The following ITIH4 variants were observed in gnomAD, a reference collection of about 807,000 sequenced individuals.
ITIH4 encodes inter-alpha-trypsin inhibitor heavy chain H4.
ITIH4 carries 79 observed loss-of-function variants against 111.8 expected under a neutral mutation model. That is an observed-to-expected ratio of 0.71 (90% CI 0.59 to 0.85). The LOEUF is 0.85. Ranked by LOEUF, ITIH4 falls within the 40% of genes least tolerant of loss-of-function variation. The pLI is 0.00. For synonymous variants in ITIH4, 472 were observed against 468.3 expected (o/e 1.01, Z -0.10); for missense variants, 1,065 against 1,195.8 (o/e 0.89, Z 1.61).
In ITIH4 at chr3:52,827,136, A is replaced by C. The variant is rs2154111669; in HGVS notation, c.313T>G (p.Tyr105Asp). 1 of 1,614,132 alleles carries C rather than the reference A, an allele frequency of 6.2e-7. No individual in the cohort carries two copies. Among genetic ancestry groups the C allele is most frequent in the East Asian group, 2.2e-5 (1 of 44,872 alleles). The change falls in exon 3 of 24, where the codon TAC (tyrosine) becomes GAC (aspartate). Residue 105 changes from tyrosine to aspartate, a missense_variant. Transcript: ENST00000266041. The part of the protein sequence containing the change: ...IKEKAEAQAQ[Y>D]SAAVAKGKSA... ...TTTCCCTTGGCCACTGCTGCGCTGT[A>C]CTGTGCCTGGGCTTCAGCCTTCTCC...
At position 52,824,088 on chromosome 3, in the gene ITIH4, C is replaced by G; in HGVS notation, c.1172-84G>C. ...CTGGAACCTCAGAGCCGAGGGGCCT[C>G]AGTGACCCCCTCTCCCTGCCCAGAT... is the stretch of plus-strand genomic sequence containing the variant. On this transcript the variant is annotated intron_variant, in intron 9 of 23. Coordinates refer to ENST00000266041, the MANE Select transcript of ITIH4 (RefSeq NM_002218.5). The surrounding 1 kb of genome is among the most constrained non-coding windows in gnomAD (Gnocchi z 4.3). The G allele has an allele frequency of 6.4e-7, 1 of 1,562,344 alleles. No individual in the cohort carries two copies. Among genetic ancestry groups the G allele is most frequent in the South Asian group, 1.2e-5 (1 of 84,386 alleles).
rs1700554747 is a variant in ITIH4, at chr3:52,830,647, G to A, written c.-5C>T. 1.9e-6 allele frequency: 3 copies of A among 1,600,748 alleles called. No individual in the cohort carries two copies. Among genetic ancestry groups the A allele is most frequent in the East Asian group, 2.2e-5 (1 of 44,624 alleles). On this transcript the variant is annotated 5_prime_UTR_variant, in exon 1 of 24. Transcript: ENST00000266041. ...GACAGGCCTTGGGGGCTTCATCGTG[G>A]CTCCAGTGTCTGCCAGGAGGCTTCT...
In ITIH4 at chr3:52,824,663, G is replaced by A; in HGVS notation, c.877-98C>T. The A allele has an allele frequency of 2.2e-6, 3 of 1,385,586 alleles. No homozygotes were observed. The highest frequency in any genetic ancestry group is 2.0e-6 in the Non-Finnish European group (2 of 1,011,800). 85.8% of individuals were successfully genotyped at this position (1,385,586 alleles called of 1,614,324 possible). ...CTTGGACTCCTGTCTCAGGGGTGAG[G>A]TCATGGTATCTGCTCTAGGAACAGG... On this transcript the variant is annotated intron_variant, in intron 7 of 23. Coordinates refer to ENST00000266041, the MANE Select transcript of ITIH4 (RefSeq NM_002218.5). This position sits in a 1 kb window ranked among gnomAD's most constrained non-coding sequence, Gnocchi z 4.3.
In ITIH4 at chr3:52,819,282, C is replaced by T. The variant is rs3774362; in HGVS notation, c.2077+111G>A. 9.0e-3 allele frequency: 11,307 copies of T among 1,249,942 alleles called. 1,023 individuals carry two copies. In the Admixed American group the frequency reaches 0.19, roughly 21 times the overall value. The allele number at this position is 1,249,942 out of a possible 1,614,324, so 77.4% of individuals were successfully genotyped here. A position where few individuals can be genotyped will look rare whatever the true frequency, so the allele number is the denominator to read the frequency against. On this transcript the variant is annotated intron_variant, in intron 17 of 23. Transcript: ENST00000266041. ...TACTTCACATCGTGCCCTCAGCAGC[C>T]GTCCCTGGCCTGGCCCTGTGGTGCG...
At chr3:52,828,384 G>A (rs947270427) in intron 2 of ITIH4, among the ~76,000 whole-genome samples, 6 of 152,208 alleles carry the variant, frequency 3.9e-5, no homozygotes, top group Non-Finnish European at 5.9e-5. Context: ...CCTGAGGGAG[G>A]AGACTAGCCC....
In ITIH4 at chr3:52,829,173, T is replaced by C. The variant is rs1700529321; in HGVS notation, c.197A>G (p.Glu66Gly). 6.2e-7 allele frequency: 1 copy of C among 1,613,304 alleles called. No individual in the cohort carries two copies. The highest frequency in any genetic ancestry group is 8.5e-7 in the Non-Finnish European group (1 of 1,179,472). The change falls in exon 2 of 24, where the codon GAG becomes GGG. Residue 66 changes from glutamate (E) to glycine (G), a missense_variant. Physicochemically the swap from Glu to Gly is moderately conservative, Grantham distance 98. Transcript: ENST00000266041. ...GGGCAGCTCCATCTGGAAGGTGGCCTCCTGCACAGTATTGGCCCTATTGAC... is the reference window on the plus strand; with the variant it reads ...GGGCAGCTCCATCTGGAAGGTGGCCCCCTGCACAGTATTGGCCCTATTGAC... ...RVVNRANTVQ[E>G]ATFQMELPKK...
intron 11 of ITIH4, among the ~76,000 whole-genome samples, chr3:52,822,049 A>C (rs2154111430): frequency 6.6e-6 from 1 of 152,328 alleles, no homozygotes; most frequent in Non-Finnish European, 1.5e-5. Flanking sequence ...ATGTCCATAA[A>C]ATCTTAGATC....
At chr3:52,823,411 T>C (rs1328542789) in intron 11 of ITIH4, 145 bp downstream of exon 11, 7 of 661,752 alleles carry the variant, frequency 1.1e-5, no homozygotes, top group South Asian at 3.8e-5. Flanking sequence ...CATTGTCTCA[T>C]TGAATCCCTG....
chr3:52,820,431 G>T, intron 13 of ITIH4, 114 bp from the exon 14 acceptor site: 1 of 1,259,714 alleles, frequency 7.9e-7, no homozygotes, highest in Non-Finnish European at 1.1e-6. Context: ...ACCCAATCCT[G>T]GACTATATCG....
In ITIH4 at chr3:52,813,498, GGAAA is replaced by G. The variant is rs769344906; in HGVS notation, c.2724-12_2724-9del. The G allele has an allele frequency of 6.2e-7, 1 of 1,613,498 alleles. No individual in the cohort carries two copies. The highest frequency in any genetic ancestry group is 1.7e-5 in the Admixed American group (1 of 60,026). On this transcript the variant is annotated splice_polypyrimidine_tract_variant and intron_variant, in intron 23 of 23. Coordinates refer to ENST00000266041, the MANE Select transcript of ITIH4 (RefSeq NM_002218.5). ...TAATCCAGCCTGCGCTCTCTGAAAT[GGAAA>G]GACAGACAGATAGGCAGGTGGTCAG...
At position 52,830,619 on chromosome 3, in the gene ITIH4, A is replaced by G. The variant is rs2276818; in HGVS notation, c.24T>C (p.Arg8=). 220,512 of 1,613,330 alleles carry G rather than the reference A, an allele frequency of 0.14. 16,365 individuals carry two copies. Among genetic ancestry groups the G allele is most frequent in the Non-Finnish European group, 0.15 (181,378 of 1,179,354 alleles). The change falls in exon 1 of 24, where the codon CGT becomes CGC. Residue 8 remains arginine (R), a synonymous_variant. Coordinates refer to ENST00000266041, the MANE Select transcript of ITIH4 (RefSeq NM_002218.5). MKPPRPV[R]TCSKVLVLLS... ...GCAGGACGAGAACTTTGCTGCAGGT[A>G]CGGACAGGCCTTGGGGGCTTCATCG...
intron 2 of ITIH4, among the ~76,000 whole-genome samples, chr3:52,828,557 T>C (rs948640876): frequency 1.3e-5 from 2 of 152,100 alleles, no homozygotes; most frequent in Admixed American, 1.3e-4. Flanking sequence ...TAGTAAACAT[T>C]GGAAACTGAG....
At position 52,829,196 on chromosome 3, in the gene ITIH4, G is replaced by C. The variant is rs1224559751; in HGVS notation, c.174C>G (p.Val58=). The C allele has an allele frequency of 1.2e-6, 2 of 1,613,846 alleles. No individual in the cohort carries two copies. Among genetic ancestry groups the C allele is most frequent in the Non-Finnish European group, 1.7e-6 (2 of 1,179,796 alleles). ...CCTCCTGCACAGTATTGGCCCTATT[G>C]ACCACTCGGCTGGTGACGACCGTGT... ...FAHTVVTSRV[V]NRANTVQEAT... is the part of the protein sequence containing the mutation. Residue 58 remains valine, a synonymous_variant, in exon 2 of 24, where the codon GTC becomes GTG. Coordinates refer to ENST00000266041, the MANE Select transcript of ITIH4 (RefSeq NM_002218.5).
In ITIH4 at chr3:52,829,271, G is replaced by A. The variant is rs892042725; in HGVS notation, c.99C>T (p.Ile33=). Residue 33 remains isoleucine, a synonymous_variant, in exon 2 of 24, where the codon ATC becomes ATT. Transcript: ENST00000266041. ...AGTCCACGGTGAGGCTGTAGATGTC[G>A]ATGCCATTCTGGACCAGCAAAGAAG... The part of the protein sequence containing the change: ...HQTTTAEKNG[I]DIYSLTVDSR... The A allele has an allele frequency of 1.1e-5, 18 of 1,609,406 alleles. No individual in the cohort carries two copies. Among genetic ancestry groups the A allele is most frequent in the Middle Eastern group, 3.3e-4 (2 of 6,068 alleles).
At chr3:52,822,159 A>T (rs181071379) in intron 11 of ITIH4, 4 of 152,080 alleles carry the variant, frequency 2.6e-5, no homozygotes, top group African/African-American at 9.7e-5. Context: ...CTGGCTAACA[A>T]GGTGAAACTC....
rs1444164527 is a variant in ITIH4 at position 52,820,635 on chromosome 3, TTCC to T, written c.1827_1829del (p.Met609_Glu610delinsIle). 18 of 1,608,154 alleles carry T rather than the reference TTCC, an allele frequency of 1.1e-5. No individual in the cohort carries two copies. In the South Asian group the frequency reaches 1.8e-4, roughly 16 times the overall value. Reference sequence around the variant, plus strand: ...AGATCTCAACCCCACACCCACCGCCTTCCATGGGCTTCTCAGCAACTTGAGACT... The same window carrying T: ...AGATCTCAACCCCACACCCACCGCCTATGGGCTTCTCAGCAACTTGAGACT... On this transcript the variant is annotated inframe_deletion, in exon 13 of 24. Coordinates refer to ENST00000266041, the MANE Select transcript of ITIH4 (RefSeq NM_002218.5).
chr3:52,827,079 C>A lies in ITIH4; in HGVS notation c.356+14G>T, dbSNP rs9821055. The A allele has an allele frequency of 1.2e-5, 20 of 1,612,264 alleles. No individual in the cohort carries two copies. The highest frequency in any genetic ancestry group is 1.1e-4 in the South Asian group (10 of 91,044). On this transcript the variant is annotated intron_variant, in intron 3 of 23. Transcript: ENST00000266041. ...CTAGACCCTCCCCACTGAAGCTGCC[C>A]CCCACCAGCTCACTTGACGAGGCCA...
chr3:52,821,243 T>G, intron 11 of ITIH4, 113 bp from the exon 12 acceptor site: 1 of 1,271,672 alleles, frequency 7.9e-7, no homozygotes, highest in Non-Finnish European at 1.1e-6. Flanking sequence ...ACACACTGAC[T>G]GTGGGGACTG....
rs774332395 is a variant in ITIH4 at position 52,818,424 on chromosome 3, T to C, written c.2152+38A>G. 3.2e-6 allele frequency: 5 copies of C among 1,579,938 alleles called. No homozygotes were observed. The East Asian group carries it at 6.9e-5, about 22-fold the overall frequency. The stretch of plus-strand genomic sequence containing the variant: ...GTGACAGGTCACTCCCCTCCCAGGA[T>C]CCCCCTGTTAGGACAGGGCCTCTGG... On this transcript the variant is annotated intron_variant, in intron 18 of 23. Coordinates refer to ENST00000266041, the MANE Select transcript of ITIH4 (RefSeq NM_002218.5).
Sources: allele counts gnomAD v4.1 joint callset (sites outside exome capture counted in the v4.1 genomes callset), GRCh38; gene constraint gnomAD v4.1.1; non-coding constraint Gnocchi (gnomAD v3.1); transcripts MANE v1.5; gene names NCBI Gene and HGNC (gene_info 2026-07-23, HGNC 2026-07-21).